MSI2: variants seen among roughly 807,000 people sequenced by gnomAD.
MSI2 encodes the protein musashi RNA binding protein 2.
MSI2 carries 17 observed loss-of-function variants against 45.6 expected under a neutral mutation model. That is an observed-to-expected ratio of 0.37 (90% CI 0.26 to 0.56). The LOEUF (loss-of-function observed/expected upper bound fraction) is 0.56. Ranked by LOEUF, MSI2 falls within the 20% of genes least tolerant of loss-of-function variation. The pLI is 0.77. For synonymous variants in MSI2, 156 were observed against 158.2 expected (o/e 0.99, Z 0.11); for missense variants, 293 against 444.2 (o/e 0.66, Z 3.06).
chr17:57,430,654 CA>C (rs2084577615), intron 6 of MSI2, among the ~76,000 whole-genome samples: 3 of 152,256 alleles, frequency 2.0e-5, no homozygotes, highest in African/African-American at 7.2e-5. Context: ...CTGCACTCAA[CA>C]GATTCTGTCT....
chr17:57,500,697 G>C (rs543975144), intron 6 of MSI2, among the ~76,000 whole-genome samples: 5 of 151,686 alleles, frequency 3.3e-5, no homozygotes, highest in South Asian at 2.1e-4. Context: ...GACTAGCCAG[G>C]TGTGGTGGCT....
intron 10 of MSI2, among the ~76,000 whole-genome samples, chr17:57,639,919 C>T (rs866833046): frequency 4.6e-4 from 70 of 152,270 alleles, no homozygotes; most frequent in African/African-American, 1.6e-3. Context: ...AGGTGTTTAG[C>T]GTATAGTCAC....
intron 5 of MSI2, among the ~76,000 whole-genome samples, chr17:57,345,955 A>T (rs901953236): frequency 6.6e-6 from 1 of 152,128 alleles, no homozygotes; most frequent in African/African-American, 2.4e-5. Flanking sequence ...TGCTTGTAAC[A>T]GTCGCATCTT....
At chr17:57,302,954 G>A (rs760221530) in intron 5 of MSI2, among the ~76,000 whole-genome samples, 6 of 152,184 alleles carry the variant, frequency 3.9e-5, no homozygotes, top group Admixed American at 6.5e-5. Context: ...GAAACTGGCC[G>A]AGTGAGGAGG....
At chr17:57,415,588 C>T (rs774148772) in intron 6 of MSI2, among the ~76,000 whole-genome samples, 1 of 152,074 alleles carries the variant, frequency 6.6e-6, no homozygotes, top group Non-Finnish European at 1.5e-5. Context: ...ACACATTTGC[C>T]CAGGGTCTGG....
At chr17:57,393,250 T>G (rs1299538235) in intron 5 of MSI2, among the ~76,000 whole-genome samples, 2 of 152,174 alleles carry the variant, frequency 1.3e-5, no homozygotes, top group Non-Finnish European at 2.9e-5. Flanking sequence ...CATTTCAGAT[T>G]TTTGATTTTT....
chr17:57,422,056 T>C (rs1426901159), intron 6 of MSI2, among the ~76,000 whole-genome samples: 1 of 152,236 alleles, frequency 6.6e-6, no homozygotes, highest in East Asian at 1.9e-4. Flanking sequence ...AAAGGAACTA[T>C]CAATCCACTC....
the MSI2 span, among the ~76,000 whole-genome samples, chr17:57,698,904 T>C: frequency 7.0e-6 from 1 of 142,106 alleles, no homozygotes; most frequent in South Asian, 2.3e-4. Context: ...TGTGTGTGTG[T>C]GTGTGTGTGT....
At chr17:57,534,329 C>T (rs1258657076) in intron 7 of MSI2, among the ~76,000 whole-genome samples, 1 of 152,230 alleles carries the variant, frequency 6.6e-6, no homozygotes, top group African/African-American at 2.4e-5. Flanking sequence ...CCGTGCTCCT[C>T]CATTTCCACT....
At chr17:57,546,458 A>C (rs1328176208) in intron 7 of MSI2, among the ~76,000 whole-genome samples, 2 of 152,244 alleles carry the variant, frequency 1.3e-5, no homozygotes, top group Admixed American at 6.5e-5. Context: ...AATGGCTTAA[A>C]GATTTTGTTT....
chr17:57,324,802 T>G (rs1913647682), intron 5 of MSI2, among the ~76,000 whole-genome samples: 1 of 152,180 alleles, frequency 6.6e-6, no homozygotes, highest in East Asian at 1.9e-4. Context: ...CCCACCTCAC[T>G]GACCCACTGA....
intron 5 of MSI2, among the ~76,000 whole-genome samples, chr17:57,295,697 G>A (rs956580486): frequency 2.0e-5 from 3 of 152,138 alleles, no homozygotes; most frequent in African/African-American, 4.8e-5. Flanking sequence ...GAGGGAGAAA[G>A]GAAAGGGTTT....
At chr17:57,496,963 T>G (rs1267485314) in intron 6 of MSI2, among the ~76,000 whole-genome samples, 1 of 152,190 alleles carries the variant, frequency 6.6e-6, no homozygotes, top group African/African-American at 2.4e-5. Flanking sequence ...ATGGCCAAAG[T>G]GTTTCTATTG....
At chr17:57,518,530 T>A (rs1014781235) in intron 6 of MSI2, among the ~76,000 whole-genome samples, 1 of 152,240 alleles carries the variant, frequency 6.6e-6, no homozygotes, top group Non-Finnish European at 1.5e-5. Flanking sequence ...CCTGGTTCGG[T>A]CAGAGTCGTG....
intron 9 of MSI2, among the ~76,000 whole-genome samples, chr17:57,623,806 G>A (rs534083581): frequency 6.6e-6 from 1 of 152,354 alleles, no homozygotes; most frequent in East Asian, 1.9e-4. Context: ...CCCCCGTGTG[G>A]CTGGGGCTGT....
chr17:57,342,754 A>C (rs1460865563), intron 5 of MSI2, among the ~76,000 whole-genome samples: 1 of 152,216 alleles, frequency 6.6e-6, no homozygotes, highest in Non-Finnish European at 1.5e-5. Flanking sequence ...AAAAATTAGA[A>C]ACCAAAATAC....
chr17:57,675,411 C>T (rs1007208389), intron 12 of MSI2, among the ~76,000 whole-genome samples: 2 of 152,212 alleles, frequency 1.3e-5, no homozygotes, highest in African/African-American at 2.4e-5. Context: ...TTCGATAACC[C>T]GTCTGAATCT....
At chr17:57,454,265 A>G (rs1238747190) in intron 6 of MSI2, among the ~76,000 whole-genome samples, 2 of 152,120 alleles carry the variant, frequency 1.3e-5, no homozygotes, top group Non-Finnish European at 2.9e-5. Flanking sequence ...GAGGCCCACC[A>G]TCCGGTGTCA....
intron 6 of MSI2, among the ~76,000 whole-genome samples, chr17:57,422,134 T>C (rs2084407091): frequency 2.6e-5 from 4 of 152,194 alleles, no homozygotes; most frequent in African/African-American, 9.7e-5. Context: ...GCATCTCCAC[T>C]GTGTACTAGG....
Sources: allele counts gnomAD v4.1 joint callset (sites outside exome capture counted in the v4.1 genomes callset), GRCh38; gene constraint gnomAD v4.1.1; transcripts MANE v1.5; gene names NCBI Gene and HGNC (gene_info 2026-07-23, HGNC 2026-07-21).